Variants in LBH observed in about 807,000 individuals in gnomAD.
LBH encodes the protein protein LBH.
In LBH, 7 loss-of-function variants were observed where a neutral mutation model predicts 12.5. The observed-to-expected ratio is 0.56, with a 90% CI of 0.32 to 1.05. LBH has a LOEUF of 1.05. Among genes scored for constraint, LBH ranks in the 50% least tolerant of loss-of-function variants. LBH has a pLI of 0.04. For missense variants in LBH, 119 were observed against 138.9 expected (o/e 0.86, Z 0.72); for synonymous variants, 51 against 50.1 (o/e 1.02, Z -0.08).
At chr2:30,251,476 G>T (rs1372177020) in intron 2 of LBH, among the ~76,000 whole-genome samples, 1 of 151,752 alleles carries the variant, frequency 6.6e-6, no homozygotes, top group Non-Finnish European at 1.5e-5. Flanking sequence ...CCAGGCAAAG[G>T]ATGCCTCCGA....
chr2:30,233,213 G>A (rs1260502798), intron 1 of LBH: 2 of 152,256 alleles, frequency 1.3e-5, no homozygotes, highest in East Asian at 3.8e-4. Context: ...TTTGCAGCTT[G>A]CAATGCTTTT....
chr2:30,232,233 CGGGGGGGTGGGGGG>C, intron 1 of LBH: 1 of 1,152,360 alleles, frequency 8.7e-7, no homozygotes, highest in Non-Finnish European at 1.1e-6. Context: ...TGCAGAGCTC[CGGGGGGGTGGGGGG>C]CGGGAAACGC....
intron 1 of LBH, 52 bp from the exon 2 acceptor site, chr2:30,234,353 G>C: frequency 7.3e-7 from 1 of 1,367,344 alleles, no homozygotes; most frequent in Non-Finnish European, 1.0e-6. Flanking sequence ...TGAAGAGTTA[G>C]GAATGTGAAA....
intron 2 of LBH, among the ~76,000 whole-genome samples, chr2:30,244,195 A>G (rs545816437): frequency 1.6e-4 from 24 of 152,286 alleles, no homozygotes; most frequent in Admixed American, 5.9e-4. Flanking sequence ...CCACAGCACA[A>G]TCCTTTTAGG....
At chr2:30,254,923 C>A (rs1222383627) in intron 2 of LBH, among the ~76,000 whole-genome samples, 1 of 152,250 alleles carries the variant, frequency 6.6e-6, no homozygotes, top group Non-Finnish European at 1.5e-5. Context: ...GCTGCCTGGG[C>A]AGTGAAGGCC....
At chr2:30,248,405 C>T (rs1264931734) in intron 2 of LBH, among the ~76,000 whole-genome samples, 2 of 152,114 alleles carry the variant, frequency 1.3e-5, no homozygotes. Context: ...TTTTTGGAAG[C>T]TACGTGGTGG....
intron 2 of LBH, among the ~76,000 whole-genome samples, chr2:30,234,894 C>T (rs1369611713): frequency 2.0e-5 from 3 of 152,164 alleles, no homozygotes; most frequent in African/African-American, 7.2e-5. Context: ...CCAGCCATGC[C>T]TGGGGTAGTA....
chr2:30,233,395 T>G (rs1007062513), intron 1 of LBH, among the ~76,000 whole-genome samples: 1 of 152,204 alleles, frequency 6.6e-6, no homozygotes, highest in African/African-American at 2.4e-5. Flanking sequence ...CCAGTGTCAT[T>G]TCTTATCTAT....
At chr2:30,232,327 C>T in intron 1 of LBH, 2 of 1,285,116 alleles carry the variant, frequency 1.6e-6, no homozygotes, top group Middle Eastern at 2.8e-4. Flanking sequence ...AACCCCTGCC[C>T]TCTCCACCGC....
At chr2:30,250,339 T>C (rs1446010129) in intron 2 of LBH, among the ~76,000 whole-genome samples, 1 of 151,864 alleles carries the variant, frequency 6.6e-6, no homozygotes, top group East Asian at 1.9e-4. Context: ...ATGTCCAGGC[T>C]CCTGAGGTCT....
intron 2 of LBH, among the ~76,000 whole-genome samples, chr2:30,244,128 G>T (rs1011020184): frequency 6.6e-5 from 10 of 152,170 alleles, no homozygotes; most frequent in African/African-American, 2.4e-4. Flanking sequence ...ACATAACAGG[G>T]ATGATGAAGG....
intron 1 of LBH, chr2:30,232,778 A>G (rs1261125431): frequency 6.6e-6 from 1 of 152,180 alleles, no homozygotes. Context: ...CAGACTCTTC[A>G]CCCTGCGTGC....
chr2:30,244,653 G>T (rs1677843856), intron 2 of LBH, among the ~76,000 whole-genome samples: 1 of 152,044 alleles, frequency 6.6e-6, no homozygotes, highest in Non-Finnish European at 1.5e-5. Context: ...TATAATCCCA[G>T]CACTTTGAGA....
In LBH at chr2:30,253,435, C is replaced by G. The variant is rs963244053; in HGVS notation, c.130-3998C>G. ...ATAATCTGATAATAAAATAAGATCT[C>G]TGATGGAAGGGTTCGATTATTGTAG... On this transcript the variant is annotated intron_variant, in intron 2 of 2. Transcript: ENST00000395323. Among the ~76,000 whole-genome samples, 19 of 152,224 alleles carry G rather than the reference C, an allele frequency of 1.2e-4. No homozygotes were observed. The East Asian group carries it at 3.7e-3, about 29-fold the overall frequency.
intron 2 of LBH, among the ~76,000 whole-genome samples, chr2:30,247,158 A>G (rs1454436071): frequency 6.6e-6 from 1 of 152,142 alleles, no homozygotes; most frequent in Non-Finnish European, 1.5e-5. Flanking sequence ...TGGCAATGTG[A>G]TATCTGACAT....
rs957153546 is a variant in LBH, at chr2:30,234,490, G to T, written c.112G>T (p.Asp38Tyr). The change falls in exon 2 of 3, where the codon GAT (aspartate) becomes TAT (tyrosine). Residue 38 changes from aspartate (D) to tyrosine (Y), a missense_variant. Transcript: ENST00000395323. ...GGAGATCGGCCTCAGCCCCCGCAAG[G>T]ATGGCCTTTCCTACCAGGTGAGTAA... is the stretch of plus-strand genomic sequence containing the variant. ...MEEIGLSPRK[D>Y]GLSYQIFPDP... is the part of the protein sequence containing the mutation. 1.2e-6 allele frequency: 2 copies of T among 1,613,696 alleles called. No individual in the cohort carries two copies. Among genetic ancestry groups the T allele is most frequent in the African/African-American group, 2.7e-5 (2 of 74,910 alleles).
intron 2 of LBH, among the ~76,000 whole-genome samples, chr2:30,243,343 G>C (rs1677820703): frequency 6.6e-6 from 1 of 152,048 alleles, no homozygotes; most frequent in Admixed American, 6.6e-5. Context: ...TAATGACATT[G>C]AGCATTGTGT....
In LBH at chr2:30,259,241, A is replaced by C. The variant is rs1678145701; in HGVS notation, c.*1620A>C. The stretch of plus-strand genomic sequence containing the variant: ...GTGGCTCTGGGGATGCCGGGGCAGG[A>C]GGACGAGGGTGCGCTGTGGACACAG... On this transcript the variant is annotated 3_prime_UTR_variant, in exon 3 of 3. Coordinates refer to ENST00000395323, the MANE Select transcript of LBH (RefSeq NM_030915.4). The C allele has an allele frequency of 6.5e-6, 1 of 152,900 alleles. No homozygotes were observed. The highest frequency in any genetic ancestry group is 2.4e-5 in the African/African-American group (1 of 41,434). 9.5% of individuals were successfully genotyped at this position (152,900 alleles called of 1,614,324 possible).
chr2:30,231,726 G>A lies in LBH; in HGVS notation c.-13G>A. The A allele has an allele frequency of 1.3e-6, 2 of 1,590,048 alleles. No homozygotes were observed. The highest frequency in any genetic ancestry group is 1.1e-5 in the South Asian group (1 of 88,224). On this transcript the variant is annotated 5_prime_UTR_variant, in exon 1 of 3. Coordinates refer to ENST00000395323, the MANE Select transcript of LBH (RefSeq NM_030915.4). ...AAATCACAGGGGCGTGTGTCAGCCTGCCCTAGGACTTCATGTCTATATATT... is the reference window on the plus strand; with the variant it reads ...AAATCACAGGGGCGTGTGTCAGCCTACCCTAGGACTTCATGTCTATATATT...
Sources: gnomAD v4.1 joint callset for allele counts (sites outside exome capture counted in the v4.1 genomes callset) on GRCh38, gnomAD v4.1.1 for gene constraint, MANE v1.5 for transcripts, NCBI Gene and HGNC (gene_info 2026-07-23, HGNC 2026-07-21) for gene names.